TRIP12: variants seen among roughly 807,000 people sequenced by gnomAD.
The protein encoded by TRIP12 is thyroid hormone receptor interactor 12, also known as E3 ubiquitin-protein ligase TRIP12.
TRIP12 carries 25 observed loss-of-function variants against 244.2 expected under a neutral mutation model. The ratio of observed to expected loss-of-function variants is 0.10; its 90% CI spans 0.07 to 0.14. The LOEUF (loss-of-function observed/expected upper bound fraction) is 0.14. TRIP12 is among the 10% of genes least tolerant of loss of function. The probability of loss-of-function intolerance (pLI) is 1.00; values close to 1 mark genes in which losing one functional copy is unlikely to be tolerated. For synonymous variants in TRIP12, 905 were observed against 873.1 expected, an observed-to-expected ratio of 1.04 and a Z score of -0.64; for missense variants, 1,677 against 2,486.4, an observed-to-expected ratio of 0.67 and a Z score of 6.92.
chr2:229,912,046 A>G (rs1035401072), intron 1 of TRIP12, among the ~76,000 whole-genome samples: 8 of 152,260 alleles, frequency 5.3e-5, no homozygotes, highest in African/African-American at 1.9e-4. Context: ...TTGAATTACA[A>G]AAAATCTGAA....
intron 27 of TRIP12, among the ~76,000 whole-genome samples, chr2:229,792,479 A>G (rs1266714901): frequency 1.3e-5 from 2 of 152,238 alleles, no homozygotes; most frequent in African/African-American, 2.4e-5. Flanking sequence ...TCTCATATAC[A>G]TGGCGTGAAG....
intron 1 of TRIP12, among the ~76,000 whole-genome samples, chr2:229,890,440 C>T (rs2067069776): frequency 6.6e-6 from 1 of 152,250 alleles, no homozygotes; most frequent in Admixed American, 6.5e-5. Context: ...ATTAGGACGT[C>T]TATTCCTGAC....
At chr2:229,855,359 C>T (rs1456070094) in intron 4 of TRIP12, among the ~76,000 whole-genome samples, 1 of 152,124 alleles carries the variant, frequency 6.6e-6, no homozygotes, top group African/African-American at 2.4e-5. Context: ...TCAGAACTGT[C>T]AGGCACTTAA....
chr2:229,902,192 T>C (rs2071103296), intron 1 of TRIP12, among the ~76,000 whole-genome samples: 1 of 152,070 alleles, frequency 6.6e-6, no homozygotes, highest in South Asian at 2.1e-4. Flanking sequence ...AAGACCAGCC[T>C]GGCCAACATA....
intron 4 of TRIP12, among the ~76,000 whole-genome samples, chr2:229,851,805 A>G (rs909352821): frequency 6.6e-6 from 1 of 152,284 alleles, no homozygotes; most frequent in Admixed American, 6.5e-5. Flanking sequence ...ACCAGAAGGA[A>G]GAAACTCCAA....
intron 38 of TRIP12, 112 bp downstream of exon 38, chr2:229,773,985 T>G: frequency 3.6e-6 from 4 of 1,122,340 alleles, no homozygotes; most frequent in Non-Finnish European, 5.1e-6. Flanking sequence ...GCAGTGGTCC[T>G]GGGGATGTGG....
chr2:229,861,940 C>A (rs2060544094), intron 2 of TRIP12, among the ~76,000 whole-genome samples: 1 of 152,122 alleles, frequency 6.6e-6, no homozygotes, highest in Non-Finnish European at 1.5e-5. Flanking sequence ...TATTAGTCTT[C>A]ACTTTTAGTA....
chr2:229,867,109 G>C (rs72989402), intron 2 of TRIP12, among the ~76,000 whole-genome samples: 1 of 100,646 alleles, frequency 9.9e-6, no homozygotes, highest in Non-Finnish European at 2.2e-5. Context: ...TTTTTTTTTT[G>C]TTTTTTTTTT....
intron 9 of TRIP12, among the ~76,000 whole-genome samples, chr2:229,815,552 G>A (rs889424103): frequency 7.9e-5 from 12 of 152,132 alleles, no homozygotes; most frequent in Non-Finnish European, 2.9e-5. Context: ...TCGTGATACA[G>A]GTCACAAACA....
chr2:229,922,287 G>C (rs774903227), upstream of TRIP12: 4 of 557,080 alleles, frequency 7.2e-6, no homozygotes, highest in Non-Finnish European at 1.3e-5. Context: ...CCTCCCCTCC[G>C]TGGTAGCAGG....
At chr2:229,814,135 G>T in intron 12 of TRIP12, 98 bp downstream of exon 12, 2 of 1,529,180 alleles carry the variant, frequency 1.3e-6, no homozygotes, top group Non-Finnish European at 1.8e-6. Flanking sequence ...AACAACATTT[G>T]TATCTTACAA....
chr2:229,823,355 C>T (rs989819165), intron 8 of TRIP12, among the ~76,000 whole-genome samples: 2 of 151,972 alleles, frequency 1.3e-5, no homozygotes, highest in Non-Finnish European at 2.9e-5. Flanking sequence ...TGCAGTAGCC[C>T]GATCTCGGCT....
Position 229,829,180 on chromosome 2 carries a change from C to T in TRIP12, c.1450+13G>A, listed in dbSNP as rs1284421455. 2.5e-6 allele frequency: 4 copies of T among 1,612,164 alleles called. No homozygotes were observed. The highest frequency in any genetic ancestry group is 3.4e-6 in the Non-Finnish European group (4 of 1,178,746). ...TTATTGAGGGATTTCAGGGAAGGAACATTTTTACTTACTAGCTCCACTTCC... is the reference window on the plus strand; with the variant it reads ...TTATTGAGGGATTTCAGGGAAGGAATATTTTTACTTACTAGCTCCACTTCC... On this transcript the variant is annotated intron_variant, in intron 8 of 41. Coordinates refer to ENST00000675903, the MANE Select transcript of TRIP12 (RefSeq NM_001348323.3).
intron 2 of TRIP12, among the ~76,000 whole-genome samples, chr2:229,878,609 G>A (rs2064127528): frequency 6.7e-6 from 1 of 148,892 alleles, no homozygotes; most frequent in Non-Finnish European, 1.5e-5. Context: ...ACGGAGTCTC[G>A]CTCTGTCTGT....
At chr2:229,881,765 T>G (rs1160360075) in intron 1 of TRIP12, among the ~76,000 whole-genome samples, 5 of 152,222 alleles carry the variant, frequency 3.3e-5, no homozygotes, top group African/African-American at 4.8e-5. Context: ...AACTCTCATT[T>G]GTGTGTATGT....
chr2:229,789,416 C>T (rs1390657127), intron 31 of TRIP12, among the ~76,000 whole-genome samples, 195 bp downstream of exon 31: 1 of 152,122 alleles, frequency 6.6e-6, no homozygotes, highest in African/African-American at 2.4e-5. Context: ...TTTTACAAAT[C>T]TGCCAAGAGA....
chr2:229,813,780 A>G, intron 13 of TRIP12, 90 bp downstream of exon 13: 1 of 958,402 alleles, frequency 1.0e-6, no homozygotes, highest in African/African-American at 1.7e-5. Context: ...CGAGACTCCC[A>G]TCTCAAAAAA....
Position 229,804,091 on chromosome 2 carries a change from G to C in TRIP12, c.2787C>G (p.Val929=). 6.2e-7 allele frequency: 1 copy of C among 1,614,084 alleles called. No homozygotes were observed. Among genetic ancestry groups the C allele is most frequent in the Non-Finnish European group, 8.5e-7 (1 of 1,180,012 alleles). ...GAATTGCTCTAAGGCACTTATGTCTGACCGCAGGTCCTGCTGAGGAACTAT... is the reference window on the plus strand; with the variant it reads ...GAATTGCTCTAAGGCACTTATGTCTCACCGCAGGTCCTGCTGAGGAACTAT... ...EVYSSSAGPA[V]RHKCLRAILR... The change falls in exon 19 of 42, where the codon GTC becomes GTG. Residue 929 remains valine (V), a synonymous_variant. Transcript: ENST00000675903.
chr2:229,891,941 G>C (rs1190526409), intron 1 of TRIP12, among the ~76,000 whole-genome samples: 1 of 152,212 alleles, frequency 6.6e-6, no homozygotes, highest in East Asian at 1.9e-4. Flanking sequence ...CAGTTAATAA[G>C]TATACTGTAT....
Sources: allele counts gnomAD v4.1 joint callset (sites outside exome capture counted in the v4.1 genomes callset), GRCh38; gene constraint gnomAD v4.1.1; transcripts MANE v1.5; gene names NCBI Gene and HGNC (gene_info 2026-07-23, HGNC 2026-07-21).